The following TENM2 variants were observed in gnomAD, a reference collection of about 807,000 sequenced individuals.
The protein encoded by TENM2 is teneurin-2.
A neutral mutation model predicts 245.2 loss-of-function variants in TENM2; 52 were observed. The ratio of observed to expected loss-of-function variants is 0.21; its 90% CI spans 0.17 to 0.27. TENM2 has a LOEUF of 0.27. Among genes scored for constraint, TENM2 ranks in the 10% least tolerant of loss-of-function variants. The probability of loss-of-function intolerance (pLI) is 1.00; values close to 1 mark genes in which losing one functional copy is unlikely to be tolerated. For missense variants in TENM2, 3,046 were observed against 3,666.8 expected (o/e 0.83, Z 4.37); for synonymous variants, 1,363 against 1,438.9 (o/e 0.95, Z 1.19).
chr5:167,244,456 A>G, the TENM2 span, among the ~76,000 whole-genome samples: 3 of 152,346 alleles, frequency 2.0e-5, no homozygotes, highest in East Asian at 5.8e-4. Context: ...ATGCAGTTTT[A>G]CCATGTGAGC....
At chr5:167,383,893 A>G (rs1474030702) in intron 2 of TENM2, among the ~76,000 whole-genome samples, 1 of 152,188 alleles carries the variant, frequency 6.6e-6, no homozygotes, top group East Asian at 1.9e-4. Flanking sequence ...CAGGTTACAT[A>G]AATACAGAAA....
At chr5:167,418,618 A>C (rs920285382) in intron 2 of TENM2, among the ~76,000 whole-genome samples, 8 of 152,228 alleles carry the variant, frequency 5.3e-5, no homozygotes, top group African/African-American at 1.9e-4. Context: ...ATCTGTGACC[A>C]ACAGGAAGAT....
chr5:167,172,521 T>C, the TENM2 span, among the ~76,000 whole-genome samples: 14 of 152,150 alleles, frequency 9.2e-5, no homozygotes, highest in African/African-American at 3.4e-4. Flanking sequence ...TGACTAGTCT[T>C]GATGTTAAGA....
intron 2 of TENM2, among the ~76,000 whole-genome samples, chr5:167,568,193 A>T (rs1774031331): frequency 6.6e-6 from 1 of 152,166 alleles, no homozygotes; most frequent in African/African-American, 2.4e-5. Flanking sequence ...AGGAAAGAGC[A>T]TTTACTGTGA....
chr5:167,246,896 A>T, the TENM2 span, among the ~76,000 whole-genome samples: 95,891 of 151,726 alleles, frequency 0.63, 32,912 homozygotes, highest in Middle Eastern at 0.86. Flanking sequence ...TCGCGTTGGG[A>T]TCATCCACTT....
chr5:167,960,236 G>T (rs750510927), intron 4 of TENM2, among the ~76,000 whole-genome samples: 1 of 152,218 alleles, frequency 6.6e-6, no homozygotes, highest in Non-Finnish European at 1.5e-5. Context: ...TGGGAGATCC[G>T]CTGCTCTCTT....
intron 12 of TENM2, chr5:168,129,479 T>G (rs970003349): frequency 6.6e-6 from 1 of 152,220 alleles, no homozygotes; most frequent in Non-Finnish European, 1.5e-5. Flanking sequence ...GCTCTGTATG[T>G]TATAAAGATC....
chr5:167,248,810 A>G, the TENM2 span, among the ~76,000 whole-genome samples: 11 of 3,306 alleles, frequency 3.3e-3, no homozygotes, highest in South Asian at 0.014. Flanking sequence ...GTGTGTGTGT[A>G]TATATATATA....
At chr5:167,696,726 G>A (rs1205190778) in intron 2 of TENM2, among the ~76,000 whole-genome samples, 1 of 152,094 alleles carries the variant, frequency 6.6e-6, no homozygotes, top group Non-Finnish European at 1.5e-5. Flanking sequence ...TAGCGCGAAG[G>A]CCCTGCTTGC....
chr5:167,310,510 A>T (rs531105240), intron 1 of TENM2, among the ~76,000 whole-genome samples: 43 of 152,328 alleles, frequency 2.8e-4, no homozygotes, highest in Admixed American at 1.9e-3. Flanking sequence ...CTTGGATATA[A>T]TGTGTTTCTT....
At chr5:167,418,328 A>AT (rs201459349) in intron 2 of TENM2, among the ~76,000 whole-genome samples, 2 of 152,118 alleles carry the variant, frequency 1.3e-5, no homozygotes, top group African/African-American at 4.8e-5. Context: ...AAAAAAAAAA[A>AT]ATATTGCTTT....
intron 7 of TENM2, among the ~76,000 whole-genome samples, chr5:168,085,862 C>T (rs904800888): frequency 7.9e-5 from 12 of 152,366 alleles, no homozygotes; most frequent in African/African-American, 2.6e-4. Context: ...CCACCAACTG[C>T]TGAGCGTGCC....
intron 25 of TENM2, chr5:168,230,823 A>G (rs765449187): frequency 1.3e-5 from 2 of 152,262 alleles, no homozygotes; most frequent in Non-Finnish European, 2.9e-5. Flanking sequence ...TGGAGAAGAC[A>G]ATATTAGTAG....
At chr5:167,765,664 C>G (rs1224205306) in intron 2 of TENM2, among the ~76,000 whole-genome samples, 2 of 152,170 alleles carry the variant, frequency 1.3e-5, no homozygotes, top group Admixed American at 1.3e-4. Flanking sequence ...TTAAATGTAT[C>G]TCTTGGGCTT....
the TENM2 span, among the ~76,000 whole-genome samples, chr5:167,270,200 C>T: frequency 1.3e-5 from 2 of 152,084 alleles, no homozygotes; most frequent in Non-Finnish European, 2.9e-5. Flanking sequence ...AAGAAAGTGC[C>T]ACGCTGCTAA....
chr5:167,643,835 C>T (rs1265695443), intron 2 of TENM2, among the ~76,000 whole-genome samples: 1 of 152,086 alleles, frequency 6.6e-6, no homozygotes, highest in African/African-American at 2.4e-5. Context: ...TGCTATGATG[C>T]AAATACGTGT....
chr5:167,914,565 C>T (rs766325912), intron 3 of TENM2, among the ~76,000 whole-genome samples: 6 of 152,116 alleles, frequency 3.9e-5, no homozygotes, highest in Non-Finnish European at 5.9e-5. Flanking sequence ...ACCTTCATTC[C>T]CCCTGGCCAT....
At chr5:167,068,317 G>A in the TENM2 span, among the ~76,000 whole-genome samples, 1 of 152,138 alleles carries the variant, frequency 6.6e-6, no homozygotes, top group Non-Finnish European at 1.5e-5. Flanking sequence ...AAATACACAG[G>A]ACATCTGTGT....
At chr5:167,264,989 A>C in the TENM2 span, among the ~76,000 whole-genome samples, 1 of 152,096 alleles carries the variant, frequency 6.6e-6, no homozygotes, top group South Asian at 2.1e-4. Flanking sequence ...TAGAGCAAAA[A>C]TATTTGAGAG....
Sources: allele counts gnomAD v4.1 joint callset (sites outside exome capture counted in the v4.1 genomes callset), GRCh38; gene constraint gnomAD v4.1.1; transcripts MANE v1.5; gene names NCBI Gene and HGNC (gene_info 2026-07-23, HGNC 2026-07-21).